Variants in POLA1 observed in about 807,000 individuals in gnomAD.
POLA1 encodes the protein DNA polymerase alpha 1, catalytic subunit, also known as DNA polymerase alpha catalytic subunit.
Under a neutral mutation model 124.0 loss-of-function variants are expected in POLA1, and 15 were observed. That is an observed-to-expected ratio of 0.12 (90% CI 0.08 to 0.19). The LOEUF is 0.19. Ranked by LOEUF, POLA1 falls within the 10% of genes least tolerant of loss-of-function variation. The pLI is 1.00. For missense variants in POLA1, 886 were observed against 1,103.4 expected (o/e 0.80, Z 2.79); for synonymous variants, 408 against 389.4 (o/e 1.05, Z -0.56).
chrX:24,776,120 G>A (rs976681615), intron 26 of POLA1, among the ~76,000 whole-genome samples: 35 of 112,027 alleles, frequency 3.1e-4, no homozygotes, highest in Middle Eastern at 4.6e-3. Flanking sequence ...AGGTTTTATC[G>A]TTTGTATTAA....
At chrX:24,876,470 C>T (rs147459452) in intron 34 of POLA1, among the ~76,000 whole-genome samples, 244 of 109,906 alleles carry the variant, frequency 2.2e-3, no homozygotes, top group African/African-American at 7.6e-3. Context: ...AGGAAAATGC[C>T]GTCTCATCAT....
At chrX:24,771,582 G>A (rs921113558) in intron 26 of POLA1, among the ~76,000 whole-genome samples, 1 of 111,320 alleles carries the variant, frequency 9.0e-6, no homozygotes, top group Non-Finnish European at 1.9e-5. Flanking sequence ...AGGAGTGTTG[G>A]TTGTTTTCTA....
intron 36 of POLA1, among the ~76,000 whole-genome samples, chrX:24,950,287 C>A (rs905636354): frequency 1.8e-4 from 20 of 111,891 alleles, no homozygotes; most frequent in Non-Finnish European, 3.6e-4. Flanking sequence ...TCTGTGCTGT[C>A]CAGTGCTGTA....
At chrX:24,700,198 T>TTTTTGAACTAACATA (rs1426435132) in intron 2 of POLA1, among the ~76,000 whole-genome samples, 1 of 109,082 alleles carries the variant, frequency 9.2e-6, no homozygotes, top group African/African-American at 3.3e-5. Flanking sequence ...ACTGATAGAC[T>TTTTTGAACTAACATA]TTTTGAACTA....
At chrX:24,871,395 C>T (rs12115989) in intron 34 of POLA1, among the ~76,000 whole-genome samples, 204 of 111,462 alleles carry the variant, frequency 1.8e-3, no homozygotes, top group African/African-American at 5.7e-3. Context: ...ATTTTGAGAG[C>T]CACTGCTGTA....
chrX:24,903,274 C>A (rs1221213713), intron 35 of POLA1, among the ~76,000 whole-genome samples: 2 of 112,843 alleles, frequency 1.8e-5, no homozygotes, highest in African/African-American at 6.4e-5. Flanking sequence ...GTAGCAGAAC[C>A]AACTGTATCT....
intron 23 of POLA1, among the ~76,000 whole-genome samples, chrX:24,744,876 C>T (rs1475552187): frequency 3.8e-5 from 4 of 105,846 alleles, no homozygotes; most frequent in African/African-American, 1.4e-4. Context: ...CACTTGAACC[C>T]GGGAGGCAGA....
At chrX:24,973,408 A>AG (rs2048327753) in intron 36 of POLA1, among the ~76,000 whole-genome samples, 3 of 110,960 alleles carry the variant, frequency 2.7e-5, no homozygotes, top group African/African-American at 9.9e-5. Flanking sequence ...AGAGAGAGAG[A>AG]AAGAAAGGAA....
intron 26 of POLA1, among the ~76,000 whole-genome samples, chrX:24,783,634 T>C (rs1027581456): frequency 1.8e-5 from 2 of 112,075 alleles, no homozygotes; most frequent in Non-Finnish European, 3.8e-5. Flanking sequence ...TTAAAGTCTT[T>C]TCTTGATTTA....
At position 24,693,957 on chromosome X, in the gene POLA1, G is replaced by A; in HGVS notation, c.-5G>A. On this transcript the variant is annotated 5_prime_UTR_variant, in exon 1 of 37. Transcript: ENST00000379068. The stretch of plus-strand genomic sequence containing the variant: ...GGTTGGCGCGGAATCGGGAGATTCG[G>A]GACCATGGCACCTGTGCACGGCGAC... 8.4e-7 allele frequency: 1 copy of A among 1,194,541 alleles called. No homozygotes were observed. The highest frequency in any genetic ancestry group is 1.1e-6 in the Non-Finnish European group (1 of 886,459).
intron 35 of POLA1, among the ~76,000 whole-genome samples, chrX:24,927,513 G>A (rs150941648): frequency 2.7e-3 from 298 of 111,305 alleles, no homozygotes; most frequent in African/African-American, 9.2e-3. Flanking sequence ...TTATTACTCT[G>A]GTAACACTCC....
chrX:24,705,253 A>G (rs1928720439), intron 4 of POLA1, among the ~76,000 whole-genome samples: 1 of 111,826 alleles, frequency 8.9e-6, no homozygotes, highest in African/African-American at 3.2e-5. Context: ...CCAAATGGAA[A>G]TCTTGCCTGT....
intron 26 of POLA1, among the ~76,000 whole-genome samples, chrX:24,784,433 C>G (rs762145296): frequency 9.0e-6 from 1 of 110,991 alleles, no homozygotes; most frequent in South Asian, 3.8e-4. Flanking sequence ...TAAAAATATA[C>G]ATAAAACTTG....
chrX:24,746,749 A>G (rs886699859), intron 24 of POLA1, among the ~76,000 whole-genome samples: 1 of 112,427 alleles, frequency 8.9e-6, no homozygotes, highest in Non-Finnish European at 1.9e-5. Flanking sequence ...ATTGGAAAAC[A>G]GTAGGTCCCT....
intron 23 of POLA1, among the ~76,000 whole-genome samples, chrX:24,745,040 A>T (rs1447189818): frequency 2.8e-5 from 3 of 106,850 alleles, no homozygotes; most frequent in Non-Finnish European, 5.8e-5. Flanking sequence ...TCTTCAAAGA[A>T]TTCTTGCTTT....
intron 23 of POLA1, chrX:24,744,510 T>A (rs778905252): frequency 2.8e-6 from 1 of 354,848 alleles, no homozygotes; most frequent in African/African-American, 2.6e-5. Flanking sequence ...TACAGAAATA[T>A]AGTAGCTTTC....
intron 35 of POLA1, among the ~76,000 whole-genome samples, chrX:24,915,162 GC>G (rs2047513137): frequency 9.0e-6 from 1 of 111,548 alleles, no homozygotes; most frequent in Non-Finnish European, 1.9e-5. Context: ...AGTGGCTTCT[GC>G]TTAAGCCCCA....
intron 30 of POLA1, among the ~76,000 whole-genome samples, chrX:24,815,747 T>C (rs767104826): frequency 6.3e-5 from 7 of 111,598 alleles, no homozygotes; most frequent in Non-Finnish European, 1.1e-4. Flanking sequence ...ACCCATTTTG[T>C]GGTAGATTTC....
intron 36 of POLA1, among the ~76,000 whole-genome samples, chrX:24,960,694 A>G (rs1370953939): frequency 9.0e-6 from 1 of 111,439 alleles, no homozygotes; most frequent in Non-Finnish European, 1.9e-5. Flanking sequence ...TAAACTTAAA[A>G]CAGCTGTATC....
Sources: allele counts gnomAD v4.1 joint callset (sites outside exome capture counted in the v4.1 genomes callset), GRCh38; gene constraint gnomAD v4.1.1; transcripts MANE v1.5; gene names NCBI Gene and HGNC (gene_info 2026-07-23, HGNC 2026-07-21).